The following SIK2 variants were observed in gnomAD, a reference collection of about 807,000 sequenced individuals.
SIK2 encodes the protein serine/threonine-protein kinase SIK2.
Under a neutral mutation model 103.2 loss-of-function variants are expected in SIK2, and 29 were observed. The observed-to-expected ratio is 0.28, with a 90% CI of 0.21 to 0.38. The LOEUF (loss-of-function observed/expected upper bound fraction) is 0.38, where lower values mean the gene tolerates loss of function less well. Among genes scored for constraint, SIK2 ranks in the 10% least tolerant of loss-of-function variants. The probability of loss-of-function intolerance (pLI) is 1.00; values close to 1 mark genes in which losing one functional copy is unlikely to be tolerated. For synonymous variants in SIK2, 412 were observed against 446.1 expected (o/e 0.92, Z 0.96); for missense variants, 879 against 1,171.0 (o/e 0.75, Z 3.64).
intron 3 of SIK2, among the ~76,000 whole-genome samples, chr11:111,658,035 G>T (rs747482361): frequency 1.3e-5 from 2 of 151,790 alleles, no homozygotes; most frequent in Non-Finnish European, 2.9e-5. Context: ...TGACCTTCTT[G>T]AAGTTCTGCT....
Position 111,727,030 on chromosome 11 carries a change from T to TTTA in SIK2, c.*2901_*2902insTTA. 6.2e-7 allele frequency: 1 copy of TTTA among 1,614,162 alleles called. No individual in the cohort carries two copies. The highest frequency in any genetic ancestry group is 8.5e-7 in the Non-Finnish European group (1 of 1,180,012). On this transcript the variant is annotated 3_prime_UTR_variant, in exon 15 of 15. Transcript: ENST00000304987. The stretch of plus-strand genomic sequence containing the variant: ...CCCAGCTGGGCAAGTGTGTCTCTAG[T>TTTA]ATCTCCACGCAACTGATACACTGGT...
chr11:111,712,214 C>T lies in SIK2; in HGVS notation c.1105C>T (p.Gln369Ter). The change falls in exon 9 of 15, where the codon CAG becomes TAG. Residue 369 changes from glutamine to a stop codon, truncating the protein, a stop_gained. Coordinates refer to ENST00000304987, the MANE Select transcript of SIK2 (RefSeq NM_015191.3). LOFTEE classifies it high-confidence loss of function. ...TIAEQTVAKA[Q>*]TVGLPVTMHS... ...TCTGTTCTTGCCATATTTACAGGCA[C>T]AGACTGTGGGGCTCCCAGTGACCAT... 1 of 1,614,114 alleles carries T rather than the reference C, an allele frequency of 6.2e-7. No homozygotes were observed. Among genetic ancestry groups the T allele is most frequent in the Non-Finnish European group, 8.5e-7 (1 of 1,179,988 alleles).
In SIK2 at chr11:111,713,097, C is replaced by T. The variant is rs149713502; in HGVS notation, c.1266+722C>T. On this transcript the variant is annotated intron_variant, in intron 9 of 14. Transcript: ENST00000304987. ...CGAGAATGTCTTGAGCCCAGGGGGC[C>T]GAGGTGGCAGTGAGCCGAGATCACA... is the stretch of plus-strand genomic sequence containing the variant. 4.9e-3 allele frequency among the ~76,000 whole-genome samples: 752 copies of T among 152,034 alleles called. 9 individuals are homozygous for T. The highest frequency in any genetic ancestry group is 0.017 in the African/African-American group (699 of 41,458).
chr11:111,720,820 C>T (rs1943777516), intron 11 of SIK2, 58 bp downstream of exon 11: 67 of 1,573,058 alleles, frequency 4.3e-5, no homozygotes, highest in Non-Finnish European at 5.6e-5. Context: ...AGTTTCTTGC[C>T]ATGTTGGTGT....
chr11:111,626,672 A>G, intron 3 of SIK2, among the ~76,000 whole-genome samples: 1 of 131,908 alleles, frequency 7.6e-6, no homozygotes, highest in Non-Finnish European at 1.8e-5. Context: ...TGTTGCTTTT[A>G]TTTATTTTCT....
chr11:111,620,598 A>G (rs11828343), intron 3 of SIK2, among the ~76,000 whole-genome samples, 196 bp downstream of exon 3: 40,009 of 152,106 alleles, frequency 0.26, 5,500 homozygotes, highest in Middle Eastern at 0.32. Context: ...TAAAGGTACT[A>G]CTTCTGTCAT....
chr11:111,649,124 G>A (rs1942295902), intron 3 of SIK2, among the ~76,000 whole-genome samples: 1 of 152,104 alleles, frequency 6.6e-6, no homozygotes, highest in African/African-American at 2.4e-5. Flanking sequence ...TTATATTTCA[G>A]CATACTGTAG....
At chr11:111,686,712 G>T (rs1391910735) in intron 3 of SIK2, among the ~76,000 whole-genome samples, 4 of 152,182 alleles carry the variant, frequency 2.6e-5, no homozygotes, top group African/African-American at 9.6e-5. Flanking sequence ...TTATTGAATT[G>T]ATGTACATAG....
intron 3 of SIK2, among the ~76,000 whole-genome samples, chr11:111,640,131 T>C (rs531640784): frequency 1.3e-5 from 2 of 152,342 alleles, no homozygotes; most frequent in East Asian, 3.9e-4. Flanking sequence ...TGAAACACTT[T>C]GGGCATAGAA....
chr11:111,647,531 A>AGCCT (rs1351186775), intron 3 of SIK2, among the ~76,000 whole-genome samples: 3 of 142,124 alleles, frequency 2.1e-5, no homozygotes, highest in African/African-American at 8.0e-5. Flanking sequence ...ACTGCACTCT[A>AGCCT]GCCTGGGTGG....
In SIK2 at chr11:111,602,814, G is replaced by C. The variant is rs1941601647; in HGVS notation, c.135+116G>C. The C allele has an allele frequency of 4.4e-6, 6 of 1,360,164 alleles. No homozygotes were observed. Among genetic ancestry groups the C allele is most frequent in the Non-Finnish European group, 5.7e-6 (6 of 1,051,782 alleles). The allele number at this position is 1,360,164 out of a possible 1,614,324, so 84.3% of individuals were successfully genotyped here. ...GGAGACCCGAGAGGCCGCCTCACTG[G>C]CGGAGGCGAGCGGGCCTGGGACTGT... is the stretch of plus-strand genomic sequence containing the variant. On this transcript the variant is annotated intron_variant, in intron 1 of 14. Transcript: ENST00000304987. The surrounding 1 kb of genome is among the most constrained non-coding windows in gnomAD (Gnocchi z 4.5).
At chr11:111,664,688 A>C (rs1421266174) in intron 3 of SIK2, among the ~76,000 whole-genome samples, 4 of 115,914 alleles carry the variant, frequency 3.5e-5, no homozygotes, top group South Asian at 3.4e-4. Context: ...TCCCCCCATC[A>C]CCACCCCCCC....
intron 1 of SIK2, among the ~76,000 whole-genome samples, chr11:111,608,012 A>G (rs753902603): frequency 2.0e-5 from 3 of 152,206 alleles, no homozygotes; most frequent in Non-Finnish European, 2.9e-5. Context: ...TGCTGATGGC[A>G]GATTCATTTC....
Position 111,666,943 on chromosome 11 carries a change from TTTTATTTA to T in SIK2, c.317-21023_317-21016del, listed in dbSNP as rs57641391. ...TGTAGTCATTATCTTTTTTATTTTA[TTTTATTTA>T]TTTATTTATTTATTTATTTATTTAT... On this transcript the variant is annotated intron_variant, in intron 3 of 14. Coordinates refer to ENST00000304987, the MANE Select transcript of SIK2 (RefSeq NM_015191.3). 6.9e-3 allele frequency among the ~76,000 whole-genome samples: 1,009 copies of T among 145,452 alleles called. 5 individuals are homozygous for T. The highest frequency in any genetic ancestry group is 0.011 in the African/African-American group (438 of 39,126).
At chr11:111,610,040 C>T (rs968188329) in intron 1 of SIK2, among the ~76,000 whole-genome samples, 2 of 152,120 alleles carry the variant, frequency 1.3e-5, no homozygotes, top group Non-Finnish European at 2.9e-5. Context: ...AAGAATAGCT[C>T]TTATTTGTAA....
chr11:111,705,889 A>G lies in SIK2; in HGVS notation c.1101+750A>G, dbSNP rs551573447. Among the ~76,000 whole-genome samples, 1 of 152,340 alleles carries G rather than the reference A, an allele frequency of 6.6e-6. No individual in the cohort carries two copies. The highest frequency in any genetic ancestry group is 2.1e-4 in the South Asian group (1 of 4,828). ...CAGTTAGGAGAGTGTTACAGTAGAG[A>G]TGAGAAATACCGAAGGCTTAAACTC... On this transcript the variant is annotated intron_variant, in intron 8 of 14. Coordinates refer to ENST00000304987, the MANE Select transcript of SIK2 (RefSeq NM_015191.3). The surrounding 1 kb of genome is among the most constrained non-coding windows in gnomAD (Gnocchi z 4.3).
intron 14 of SIK2, among the ~76,000 whole-genome samples, chr11:111,723,187 T>C (rs1478564606): frequency 1.3e-5 from 2 of 152,150 alleles, no homozygotes; most frequent in Non-Finnish European, 2.9e-5. Context: ...GAGGCCAAGG[T>C]GTGATTATCT....
At chr11:111,610,156 A>G (rs990920456) in intron 1 of SIK2, among the ~76,000 whole-genome samples, 1 of 152,192 alleles carries the variant, frequency 6.6e-6, no homozygotes, top group Admixed American at 6.5e-5. Context: ...TGAGATTAGT[A>G]TTTCTTTTAT....
chr11:111,727,038 C>T lies in SIK2; in HGVS notation c.*2909C>T, dbSNP rs752055621. 7.4e-6 allele frequency: 12 copies of T among 1,613,228 alleles called. No homozygotes were observed. Among genetic ancestry groups the T allele is most frequent in the Admixed American group, 3.3e-5 (2 of 59,994 alleles). ...GGCAAGTGTGTCTCTAGTATCTCCACGCAACTGATACACTGGTCCCTGTAA... is the reference window on the plus strand; with the variant it reads ...GGCAAGTGTGTCTCTAGTATCTCCATGCAACTGATACACTGGTCCCTGTAA... On this transcript the variant is annotated 3_prime_UTR_variant, in exon 15 of 15. Transcript: ENST00000304987.
Sources: gnomAD v4.1 joint callset for allele counts (sites outside exome capture counted in the v4.1 genomes callset) on GRCh38, gnomAD v4.1.1 for gene constraint, Gnocchi (gnomAD v3.1) non-coding constraint, MANE v1.5 for transcripts, NCBI Gene and HGNC (gene_info 2026-07-23, HGNC 2026-07-21) for gene names.